CDC14B: variants seen among roughly 807,000 people sequenced by gnomAD.
CDC14B encodes the protein dual specificity protein phosphatase CDC14B.
CDC14B carries 22 observed loss-of-function variants against 64.2 expected under a neutral mutation model. The observed-to-expected ratio is 0.34, with a 90% CI of 0.24 to 0.49. The LOEUF (loss-of-function observed/expected upper bound fraction) is 0.49, where lower values mean the gene tolerates loss of function less well. Ranked by LOEUF, CDC14B falls within the 20% of genes least tolerant of loss-of-function variation. The pLI is 0.99. For synonymous variants in CDC14B, 191 were observed against 215.8 expected, an observed-to-expected ratio of 0.89 and a Z score of 1.01; for missense variants, 498 against 629.9, an observed-to-expected ratio of 0.79 and a Z score of 2.24.
chr9:96,585,637 G>A (rs1845415801), intron 1 of CDC14B, among the ~76,000 whole-genome samples: 1 of 152,190 alleles, frequency 6.6e-6, no homozygotes, highest in Non-Finnish European at 1.5e-5. Context: ...AGAAGATGTA[G>A]TGCAATTAGA....
At chr9:96,604,343 TTATTA>T (rs531240796) in intron 1 of CDC14B, among the ~76,000 whole-genome samples, 1 of 19,748 alleles carries the variant, frequency 5.1e-5, no homozygotes, top group Admixed American at 5.0e-4. Flanking sequence ...AAGCTTGCAT[TTATTA>T]TTATTATTAT....
chr9:96,609,399 A>G (rs1271886627), intron 1 of CDC14B, among the ~76,000 whole-genome samples: 1 of 152,218 alleles, frequency 6.6e-6, no homozygotes, highest in African/African-American at 2.4e-5. Flanking sequence ...CTTCATTCAG[A>G]TGATGATTTA....
chr9:96,500,029 C>T (rs903629333), downstream of CDC14B: 2 of 152,628 alleles, frequency 1.3e-5, no homozygotes, highest in African/African-American at 2.4e-5. Context: ...ACACAGATTC[C>T]GGGTTACCTC....
chr9:96,564,733 T>C (rs1445380299), intron 3 of CDC14B, 44 bp downstream of exon 3: 1 of 1,200,996 alleles, frequency 8.3e-7, no homozygotes, highest in East Asian at 2.5e-5. Flanking sequence ...GTCCCCCAGA[T>C]CAAGCTAACA....
At chr9:96,498,208 G>A (rs1460908391), downstream of CDC14B, among the ~76,000 whole-genome samples, 2 of 152,160 alleles carry the variant, frequency 1.3e-5, no homozygotes, top group African/African-American at 4.8e-5. Context: ...ACACACAGAG[G>A]AGGGGGAGAC....
intron 1 of CDC14B, among the ~76,000 whole-genome samples, chr9:96,579,665 G>A (rs1845024050): frequency 6.6e-6 from 1 of 152,034 alleles, no homozygotes. Context: ...GGTACAGGGA[G>A]AAGGCGGCAG....
intron 12 of CDC14B, among the ~76,000 whole-genome samples, chr9:96,511,021 T>C (rs1834838688): frequency 6.6e-6 from 1 of 152,174 alleles, no homozygotes; most frequent in Admixed American, 6.5e-5. Context: ...CTTAACAAGC[T>C]TTCTTCTCTC....
rs545495238 is a variant in CDC14B at position 96,608,080 on chromosome 9, C to A, written c.160+11139G>T. On this transcript the variant is annotated intron_variant, in intron 1 of 13. Transcript: ENST00000375241. The stretch of plus-strand genomic sequence containing the variant: ...TTCCATGCAAAACAGCTGGCGGCAC[C>A]AGGTTGTACCTTGCCTGACCCAGTC... Among the ~76,000 whole-genome samples, 6 of 152,296 alleles carry A rather than the reference C, an allele frequency of 3.9e-5. No homozygotes were observed. The South Asian group carries it at 1.2e-3, about 32-fold the overall frequency.
intron 1 of CDC14B, among the ~76,000 whole-genome samples, chr9:96,616,205 A>G (rs1224452677): frequency 2.0e-5 from 3 of 152,238 alleles, no homozygotes; most frequent in Non-Finnish European, 4.4e-5. Context: ...GTATGCCTGT[A>G]GTTCCAACTA....
At chr9:96,528,357 A>G (rs969470929) in intron 9 of CDC14B, among the ~76,000 whole-genome samples, 2 of 152,070 alleles carry the variant, frequency 1.3e-5, no homozygotes, top group Admixed American at 1.3e-4. Flanking sequence ...CCCTGTTTCT[A>G]CTAAAAATAC....
At position 96,500,630 on chromosome 9, in the gene CDC14B, A is replaced by G. The variant is rs1205041496; in HGVS notation, c.*3123T>C. The G allele has an allele frequency of 6.5e-6, 1 of 152,696 alleles. No homozygotes were observed. Among genetic ancestry groups the G allele is most frequent in the Non-Finnish European group, 1.5e-5 (1 of 68,054 alleles). 9.5% of individuals were successfully genotyped at this position (152,696 alleles called of 1,614,324 possible). ...ACCTGATGTGGGTAAATGGAAGAGC[A>G]GCAGATAGCCTCTCCAGGGCAGTTT... On this transcript the variant is annotated 3_prime_UTR_variant, in exon 14 of 14. Transcript: ENST00000375241.
intron 7 of CDC14B, among the ~76,000 whole-genome samples, chr9:96,537,168 G>A (rs1315583819): frequency 6.6e-6 from 1 of 152,076 alleles, no homozygotes; most frequent in East Asian, 1.9e-4. Context: ...GCACGTGCCT[G>A]TAGTCCCCGT....
rs563536359 is a variant in CDC14B, at chr9:96,545,123, A to T, written c.498-3231T>A. ...ATTGTGTTCAAGTTTATGAATCACC[A>T]ACCTACAAATCAACACAAATCCTGG... On this transcript the variant is annotated intron_variant, in intron 5 of 13. Coordinates refer to ENST00000375241, the MANE Select transcript of CDC14B (RefSeq NM_033331.4). Among the ~76,000 whole-genome samples, 8 of 152,260 alleles carry T rather than the reference A, an allele frequency of 5.3e-5. No individual in the cohort carries two copies. The South Asian group carries it at 1.2e-3, about 24-fold the overall frequency.
At chr9:96,496,458 G>C, downstream of CDC14B, 1 of 426,022 alleles carries the variant, frequency 2.3e-6, no homozygotes, top group Non-Finnish European at 4.7e-6. Flanking sequence ...GCAAGGACTA[G>C]CTTCCTGGGC....
At chr9:96,595,654 C>T (rs1410823074) in intron 1 of CDC14B, among the ~76,000 whole-genome samples, 1 of 152,140 alleles carries the variant, frequency 6.6e-6, no homozygotes, top group Non-Finnish European at 1.5e-5. Context: ...CTGATACATA[C>T]TATAAAATAG....
Position 96,619,286 on chromosome 9 carries a change from G to A in CDC14B, c.93C>T (p.Ile31=), listed in dbSNP as rs1197153884. 5.9e-6 allele frequency: 8 copies of A among 1,350,822 alleles called. No individual in the cohort carries two copies. The highest frequency in any genetic ancestry group is 7.6e-6 in the Non-Finnish European group (8 of 1,046,746). The allele number at this position is 1,350,822 out of a possible 1,614,324, so 83.7% of individuals were successfully genotyped here. The change falls in exon 1 of 14, where the codon ATC becomes ATT. Residue 31 remains isoleucine, a synonymous_variant. Transcript: ENST00000375241. ...GCGGGTCTTGCTGCGTGGAGCTGCG[G>A]ATCTTCTTCACACCCGGCGAGGTCG... is the stretch of plus-strand genomic sequence containing the variant. ...CSSTSPGVKK[I]RSSTQQDPRR...
intron 9 of CDC14B, among the ~76,000 whole-genome samples, chr9:96,531,353 T>G (rs528323388): frequency 9.2e-5 from 14 of 152,152 alleles, no homozygotes; most frequent in Admixed American, 4.6e-4. Flanking sequence ...TTCTTTATGA[T>G]TTAGTTCTGG....
At chr9:96,598,369 C>A (rs1279314840) in intron 1 of CDC14B, among the ~76,000 whole-genome samples, 2 of 152,184 alleles carry the variant, frequency 1.3e-5, no homozygotes, top group Non-Finnish European at 2.9e-5. Context: ...TGGAGTCTCG[C>A]TCTGTCACCC....
At chr9:96,596,417 A>C (rs1440842613) in intron 1 of CDC14B, among the ~76,000 whole-genome samples, 1 of 151,906 alleles carries the variant, frequency 6.6e-6, no homozygotes, top group East Asian at 1.9e-4. Flanking sequence ...AAATGGCCCA[A>C]ACTGAACTTT....
Sources: gnomAD v4.1 joint callset for allele counts (sites outside exome capture counted in the v4.1 genomes callset) on GRCh38, gnomAD v4.1.1 for gene constraint, MANE v1.5 for transcripts, NCBI Gene and HGNC (gene_info 2026-07-23, HGNC 2026-07-21) for gene names.